The following CRMP1 variants were observed in gnomAD, a reference collection of about 807,000 sequenced individuals.
The protein encoded by CRMP1 is collapsin response mediator protein 1.
In CRMP1, 19 loss-of-function variants were observed where a neutral mutation model predicts 68.3. That is an observed-to-expected ratio of 0.28 (90% CI 0.19 to 0.41). CRMP1 has a LOEUF of 0.41. Among genes scored for constraint, CRMP1 ranks in the 10% least tolerant of loss-of-function variants. The pLI is 1.00. For synonymous variants in CRMP1, 439 were observed against 399.6 expected (o/e 1.10, Z -1.18); for missense variants, 791 against 967.4 (o/e 0.82, Z 2.42).
chr4:5,881,888 T>C lies in CRMP1; in HGVS notation c.381+10701A>G, dbSNP rs141764057. ...GTCTTCTACCAATACCTTTTGTACATGGGCCCCTAATATCTATCTCTGTCC... is the reference window on the plus strand; with the variant it reads ...GTCTTCTACCAATACCTTTTGTACACGGGCCCCTAATATCTATCTCTGTCC... On this transcript the variant is annotated intron_variant, in intron 1 of 13. Coordinates refer to ENST00000324989, the MANE Select transcript of CRMP1 (RefSeq NM_001014809.3). This position sits in a 1 kb window ranked among gnomAD's most constrained non-coding sequence, Gnocchi z 4.6. Among the ~76,000 whole-genome samples, 2 of 152,312 alleles carry C rather than the reference T, an allele frequency of 1.3e-5. No individual in the cohort carries two copies. Among genetic ancestry groups the C allele is most frequent in the African/African-American group, 4.8e-5 (2 of 41,586 alleles).
intron 1 of CRMP1, chr4:5,887,758 G>A: frequency 2.0e-6 from 2 of 986,448 alleles, no homozygotes; most frequent in South Asian, 4.7e-5. Context: ...AGTGGGGAGC[G>A]CTGGATGATC....
rs1282365958 is a variant in CRMP1, at chr4:5,859,681, T to C, written c.655+1345A>G. 6.6e-6 allele frequency among the ~76,000 whole-genome samples: 1 copy of C among 152,086 alleles called. No homozygotes were observed. The highest frequency in any genetic ancestry group is 1.5e-5 in the Non-Finnish European group (1 of 68,010). On this transcript the variant is annotated intron_variant, in intron 3 of 13. Transcript: ENST00000324989. This position sits in a 1 kb window ranked among gnomAD's most constrained non-coding sequence, Gnocchi z 5.2. The stretch of plus-strand genomic sequence containing the variant: ...ACTGGGATCCAAGTCCAAGTCTAGA[T>C]CCTCCCATTTCCCATCCAGCAGATC...
At position 5,851,867 on chromosome 4, in the gene CRMP1, GGAGGAA is replaced by G. The variant is rs763157288; in HGVS notation, c.821-404_821-399del. ...AGGAGGAGGAGGAAGAGGAGCAGGA[GGAGGAA>G]GAGGAAGAGGAAGAGGAGGAGGAAG... On this transcript the variant is annotated intron_variant, in intron 4 of 13. Transcript: ENST00000324989. 1.9e-3 allele frequency among the ~76,000 whole-genome samples: 274 copies of G among 144,804 alleles called. 2 individuals are homozygous for G. Among genetic ancestry groups the G allele is most frequent in the East Asian group, 9.8e-3 (47 of 4,784 alleles). The allele number at this position is 144,804 out of a possible 152,430, so 95.0% of individuals were successfully genotyped here. A position where few individuals can be genotyped will look rare whatever the true frequency, so the allele number is the denominator to read the frequency against.
rs987606283 is a variant in CRMP1 at position 5,865,439 on chromosome 4, G to A, written c.470+1229C>T. On this transcript the variant is annotated intron_variant, in intron 2 of 13. Coordinates refer to ENST00000324989, the MANE Select transcript of CRMP1 (RefSeq NM_001014809.3). This position sits in a 1 kb window ranked among gnomAD's most constrained non-coding sequence, Gnocchi z 4.1. ...GATCGAGACCATCCTGGCCAACATG[G>A]TGAAACCCCCGTCTCTACTAAAATG... is the stretch of plus-strand genomic sequence containing the variant. 2.6e-5 allele frequency among the ~76,000 whole-genome samples: 4 copies of A among 151,960 alleles called. No homozygotes were observed. Among genetic ancestry groups the A allele is most frequent in the African/African-American group, 7.3e-5 (3 of 41,350 alleles).
rs988000250 is a variant in CRMP1 at position 5,855,186 on chromosome 4, C to T, written c.820+957G>A. Among the ~76,000 whole-genome samples the T allele has an allele frequency of 6.6e-6, 1 of 152,206 alleles. No homozygotes were observed. Among genetic ancestry groups the T allele is most frequent in the South Asian group, 2.1e-4 (1 of 4,826 alleles). On this transcript the variant is annotated intron_variant, in intron 4 of 13. Transcript: ENST00000324989. This position sits in a 1 kb window ranked among gnomAD's most constrained non-coding sequence, Gnocchi z 4.9. ...GGGAATGGAAAGCAATAATCCTGCA[C>T]ATTTAGAGTAAATTGTGATTGGGGG...
At chr4:5,822,056 A>C (rs73206225) in intron 13 of CRMP1, among the ~76,000 whole-genome samples, 11,817 of 152,030 alleles carry the variant, frequency 0.078, 716 homozygotes, top group African/African-American at 0.17. Context: ...GGCTCCCCCC[A>C]CCTTCAGCCC....
In CRMP1 at chr4:5,828,540, C is replaced by G. The variant is rs370052265; in HGVS notation, c.1752G>C (p.Pro584=). 1 of 1,614,220 alleles carries G rather than the reference C, an allele frequency of 6.2e-7. No individual in the cohort carries two copies. Among genetic ancestry groups the G allele is most frequent in the East Asian group, 2.2e-5 (1 of 44,884 alleles). The change falls in exon 12 of 14, where the codon CCG becomes CCC. Residue 584 remains proline (P), a synonymous_variant. Transcript: ENST00000324989. ...NVNKGMGRFI[P]RKAFPEHLYQ... The stretch of plus-strand genomic sequence containing the variant: ...ACAGGTGCTCCGGGAACGCCTTCCG[C>G]GGAATGAAGCGGCCCATGCCCTTGT...
At chr4:5,887,364 C>G in intron 1 of CRMP1, 1 of 985,710 alleles carries the variant, frequency 1.0e-6, no homozygotes, top group South Asian at 4.7e-5. Flanking sequence ...ATCCCGCCTC[C>G]CGGCCCCGGG....
chr4:5,839,530 T>C lies in CRMP1; in HGVS notation c.1302A>G (p.Leu434=), dbSNP rs1711540709. 1.2e-6 allele frequency: 2 copies of C among 1,608,506 alleles called. No individual in the cohort carries two copies. The highest frequency in any genetic ancestry group is 2.2e-5 in the South Asian group (2 of 89,684). Reference sequence around the variant, plus strand: ...GTTCTCACAGGTCTCACCAGGCCAGTAGGGAGGTCAAGTAGTCGGGCGTGG... The same window carrying C: ...GTTCTCACAGGTCTCACCAGGCCAGCAGGGAGGTCAAGTAGTCGGGCGTGG... The part of the protein sequence containing the change: ...DPTTPDYLTS[L]LACGDLQVTG... Residue 434 remains leucine (L), a synonymous_variant, in exon 9 of 14, where the codon CTA becomes CTG. Transcript: ENST00000324989.
intron 1 of CRMP1, among the ~76,000 whole-genome samples, chr4:5,876,017 G>T (rs1005076054): frequency 6.6e-6 from 1 of 152,006 alleles, no homozygotes; most frequent in Non-Finnish European, 1.5e-5. Flanking sequence ...GCCGAGCATG[G>T]TGGCAGGCGC....
Position 5,853,688 on chromosome 4 carries a change from A to T in CRMP1, c.821-2219T>A, listed in dbSNP as rs1712830892. On this transcript the variant is annotated intron_variant, in intron 4 of 13. Coordinates refer to ENST00000324989, the MANE Select transcript of CRMP1 (RefSeq NM_001014809.3). The surrounding 1 kb of genome is among the most constrained non-coding windows in gnomAD (Gnocchi z 4.7). ...TTATAACAGCCAAGATTAGGAAGCA[A>T]CCTGTGTCCATCAATGAATGAATGG... 6.6e-6 allele frequency among the ~76,000 whole-genome samples: 1 copy of T among 152,250 alleles called. No homozygotes were observed. The highest frequency in any genetic ancestry group is 2.4e-5 in the African/African-American group (1 of 41,462).
rs1177723080 is a variant in CRMP1, at chr4:5,854,121, C to T, written c.820+2022G>A. Reference sequence around the variant, plus strand: ...CTAAACGACCATTTGCTTAAGGCGGCAACCTGGGGAAAATTGCTCAGAACT... The same window carrying T: ...CTAAACGACCATTTGCTTAAGGCGGTAACCTGGGGAAAATTGCTCAGAACT... On this transcript the variant is annotated intron_variant, in intron 4 of 13. Coordinates refer to ENST00000324989, the MANE Select transcript of CRMP1 (RefSeq NM_001014809.3). This position sits in a 1 kb window ranked among gnomAD's most constrained non-coding sequence, Gnocchi z 4.0. Among the ~76,000 whole-genome samples, 2 of 152,210 alleles carry T rather than the reference C, an allele frequency of 1.3e-5. No homozygotes were observed. The highest frequency in any genetic ancestry group is 4.8e-5 in the African/African-American group (2 of 41,460).
rs1392143300 is a variant in CRMP1, at chr4:5,879,524, G to A, written c.382-12768C>T. On this transcript the variant is annotated intron_variant, in intron 1 of 13. Transcript: ENST00000324989. The surrounding 1 kb of genome is among the most constrained non-coding windows in gnomAD (Gnocchi z 4.2). ...TTCTTAGCGGGGTGATCTTTGGCAA[G>A]ATACTTAATCTCTGTTGGCTTCAGT... Among the ~76,000 whole-genome samples the A allele has an allele frequency of 1.3e-5, 2 of 152,216 alleles. No individual in the cohort carries two copies. Among genetic ancestry groups the A allele is most frequent in the Non-Finnish European group, 2.9e-5 (2 of 68,042 alleles).
rs41264685 is a variant in CRMP1 at position 5,851,490 on chromosome 4, T to G, written c.821-21A>C. On this transcript the variant is annotated intron_variant, in intron 4 of 13. Transcript: ENST00000324989. ...GACGCCTGTTTCAAGATAGAAAGGA[T>G]AGAAAAATATGTTTAAGAAAAAACA... 5.1e-5 allele frequency: 82 copies of G among 1,609,240 alleles called. No individual in the cohort carries two copies. The East Asian group carries it at 1.8e-3, about 36-fold the overall frequency.
At chr4:5,874,718 T>C (rs997810778) in intron 1 of CRMP1, among the ~76,000 whole-genome samples, 2 of 141,876 alleles carry the variant, frequency 1.4e-5, no homozygotes, top group African/African-American at 2.6e-5. Context: ...GAAGAAGAGA[T>C]AAAAGAAGGA....
At position 5,821,714 on chromosome 4, in the gene CRMP1, C is replaced by T. The variant is rs1320691692; in HGVS notation, c.*46G>A. ...AAACACTGACAGGAAAAGGGATGGACATGATTCCCAGAATCCTTCAGGCTA... is the reference window on the plus strand; with the variant it reads ...AAACACTGACAGGAAAAGGGATGGATATGATTCCCAGAATCCTTCAGGCTA... On this transcript the variant is annotated 3_prime_UTR_variant, in exon 14 of 14. Coordinates refer to ENST00000324989, the MANE Select transcript of CRMP1 (RefSeq NM_001014809.3). This position sits in a 1 kb window ranked among gnomAD's most constrained non-coding sequence, Gnocchi z 4.4. 1.3e-6 allele frequency: 2 copies of T among 1,526,626 alleles called. No homozygotes were observed. Among genetic ancestry groups the T allele is most frequent in the East Asian group, 2.3e-5 (1 of 42,772 alleles). 94.6% of individuals were successfully genotyped at this position (1,526,626 alleles called of 1,614,324 possible). A position where few individuals can be genotyped will look rare whatever the true frequency, so the allele number is the denominator to read the frequency against.
chr4:5,874,252 C>G (rs944278998), intron 1 of CRMP1, among the ~76,000 whole-genome samples: 3 of 152,206 alleles, frequency 2.0e-5, no homozygotes, highest in African/African-American at 7.2e-5. Flanking sequence ...TCAGCTACTA[C>G]AGCTACTCAA....
intron 2 of CRMP1, among the ~76,000 whole-genome samples, chr4:5,863,831 C>T (rs1713774226): frequency 6.6e-6 from 1 of 152,086 alleles, no homozygotes; most frequent in Non-Finnish European, 1.5e-5. Flanking sequence ...GCCTCTGTAC[C>T]CGAGGTGGTC....
chr4:5,860,918 A>G lies in CRMP1; in HGVS notation c.655+108T>C, dbSNP rs192251795. 9 of 1,157,144 alleles carry G rather than the reference A, an allele frequency of 7.8e-6. No individual in the cohort carries two copies. The highest frequency in any genetic ancestry group is 3.1e-5 in the African/African-American group (2 of 65,100). The allele number at this position is 1,157,144 out of a possible 1,614,324, so 71.7% of individuals were successfully genotyped here. ...AGGGCTGGGGGGAGAATGAAATCCA[A>G]TGGCACCCTGGGCAGAGAGCCTCGA... On this transcript the variant is annotated intron_variant, in intron 3 of 13. Transcript: ENST00000324989. This position sits in a 1 kb window ranked among gnomAD's most constrained non-coding sequence, Gnocchi z 4.2.
Sources: gnomAD v4.1 joint callset for allele counts (sites outside exome capture counted in the v4.1 genomes callset) on GRCh38, gnomAD v4.1.1 for gene constraint, Gnocchi (gnomAD v3.1) non-coding constraint, MANE v1.5 for transcripts, NCBI Gene and HGNC (gene_info 2026-07-23, HGNC 2026-07-21) for gene names.